PDCD7: variants seen among roughly 807,000 people sequenced by gnomAD.
PDCD7 encodes the protein programmed cell death 7.
PDCD7 carries 40 observed loss-of-function variants against 42.1 expected under a neutral mutation model. The ratio of observed to expected loss-of-function variants is 0.95; its 90% CI spans 0.74 to 1.24. The LOEUF is 1.24. Ranked by LOEUF, PDCD7 falls within the 50% of genes most tolerant of loss-of-function variation. The pLI is 0.00. For synonymous variants in PDCD7, 299 were observed against 303.3 expected, an observed-to-expected ratio of 0.99 and a Z score of 0.15; for missense variants, 644 against 662.8, an observed-to-expected ratio of 0.97 and a Z score of 0.31.
At position 65,117,464 on chromosome 15, in the gene PDCD7, AT is replaced by A. The variant is rs1475265300; in HGVS notation, c.*1252del. The A allele has an allele frequency of 3.3e-5, 5 of 152,324 alleles. No individual in the cohort carries two copies. Among genetic ancestry groups the A allele is most frequent in the Non-Finnish European group, 5.9e-5 (4 of 68,042 alleles). The allele number at this position is 152,324 out of a possible 1,614,324, so 9.4% of individuals were successfully genotyped here. A position where few individuals can be genotyped will look rare whatever the true frequency, so the allele number is the denominator to read the frequency against. ...ACCAAACCAAAACAGAACCAAAAAA[AT>A]GACATGTTATATGAGTGATCATCTC... On this transcript the variant is annotated 3_prime_UTR_variant, in exon 5 of 5. Coordinates refer to ENST00000204549, the MANE Select transcript of PDCD7 (RefSeq NM_005707.2).
chr15:65,122,613 A>G (rs1440172539), intron 2 of PDCD7, among the ~76,000 whole-genome samples: 1 of 152,028 alleles, frequency 6.6e-6, no homozygotes, highest in Non-Finnish European at 1.5e-5. Context: ...CAAGTTCCCT[A>G]CTCCTGGACA....
intron 2 of PDCD7, among the ~76,000 whole-genome samples, chr15:65,125,237 C>T (rs1014405170): frequency 5.9e-5 from 9 of 152,110 alleles, no homozygotes; most frequent in African/African-American, 2.2e-4. Flanking sequence ...ATCATCCTAC[C>T]TTCCATGGGA....
intron 1 of PDCD7, among the ~76,000 whole-genome samples, chr15:65,130,405 G>A (rs1307517044): frequency 2.6e-5 from 4 of 151,922 alleles, no homozygotes; most frequent in African/African-American, 9.7e-5. Flanking sequence ...TGATCCGCCC[G>A]CCTTGGCCTC....
chr15:65,120,512 T>G (rs2087445089), intron 2 of PDCD7, among the ~76,000 whole-genome samples: 1 of 152,074 alleles, frequency 6.6e-6, no homozygotes, highest in Admixed American at 6.6e-5. Context: ...ATTGAGAACA[T>G]CCTGGCTAAC....
At chr15:65,126,932 C>T (rs545625601) in intron 2 of PDCD7, among the ~76,000 whole-genome samples, 1 of 151,980 alleles carries the variant, frequency 6.6e-6, no homozygotes, top group Non-Finnish European at 1.5e-5. Flanking sequence ...TCTCTCAATT[C>T]TTTGACTTGA....
chr15:65,132,805 C>A, intron 1 of PDCD7, 107 bp downstream of exon 1: 2 of 1,491,952 alleles, frequency 1.3e-6, no homozygotes, highest in Non-Finnish European at 1.8e-6. Flanking sequence ...CTTCATTTTG[C>A]GCGTAAAACA....
In PDCD7 at chr15:65,133,055, G is replaced by C. The variant is rs752965901; in HGVS notation, c.727C>G (p.Arg243Gly). Residue 243 changes from arginine (R) to glycine (G), a missense_variant, in exon 1 of 5, where the codon CGG becomes GGG. By Grantham distance (125) the Arg-to-Gly change is moderately radical. Coordinates refer to ENST00000204549, the MANE Select transcript of PDCD7 (RefSeq NM_005707.2). ...GEARRRLERVRRRRLRLRERA... is the reference protein window; with the variant it reads ...GEARRRLERVGRRRLRLRERA... ...TCGCGAAGCCGCAGCCGGCGGCGCC[G>C]GACCCTCTCCAGCCTCCTCCGCGCC... 3 of 1,587,890 alleles carry C rather than the reference G, an allele frequency of 1.9e-6. No homozygotes were observed. In the African/African-American group the frequency reaches 4.0e-5, roughly 21 times the overall value.
chr15:65,121,207 A>G (rs779993456), intron 2 of PDCD7, among the ~76,000 whole-genome samples: 188 of 152,046 alleles, frequency 1.2e-3, no homozygotes, highest in Non-Finnish European at 2.4e-3. Context: ...ACAGGCATGC[A>G]CCAACACACC....
intron 1 of PDCD7, 121 bp from the exon 2 acceptor site, chr15:65,129,291 G>C: frequency 9.1e-7 from 1 of 1,094,472 alleles, no homozygotes; most frequent in Non-Finnish European, 1.3e-6. Flanking sequence ...AGACTCTATT[G>C]AATCTCCATC....
At chr15:65,121,107 G>A (rs111337775) in intron 2 of PDCD7, among the ~76,000 whole-genome samples, 505 of 149,352 alleles carry the variant, frequency 3.4e-3, no homozygotes, top group Non-Finnish European at 5.3e-3. Context: ...CCAGGCTGGA[G>A]GGCAATGGTG....
At position 65,129,915 on chromosome 15, in the gene PDCD7, ATTTTTTTT is replaced by A. The variant is rs746709395; in HGVS notation, c.871-753_871-746del. On this transcript the variant is annotated intron_variant, in intron 1 of 4. Coordinates refer to ENST00000204549, the MANE Select transcript of PDCD7 (RefSeq NM_005707.2). ...CCTGGGCAACAGAGTGAAACTTTGT[ATTTTTTTT>A]TTTTTTTTTTTTTTTTTTGAGACAG... is the stretch of plus-strand genomic sequence containing the variant. 9.4e-5 allele frequency among the ~76,000 whole-genome samples: 8 copies of A among 84,958 alleles called. No individual in the cohort carries two copies. The East Asian group carries it at 1.0e-3, about 11-fold the overall frequency. 55.7% of individuals were successfully genotyped at this position (84,958 alleles called of 152,430 possible).
Position 65,122,228 on chromosome 15 carries a change from C to A in PDCD7, c.1010-2274G>T, listed in dbSNP as rs143143644. On this transcript the variant is annotated intron_variant, in intron 2 of 4. Coordinates refer to ENST00000204549, the MANE Select transcript of PDCD7 (RefSeq NM_005707.2). ...GCGTGCGCCTGTAGTTCCAACTACT[C>A]AGGAGGCTAAGCCAGGAGAATCGCT... is the stretch of plus-strand genomic sequence containing the variant. Among the ~76,000 whole-genome samples the A allele has an allele frequency of 2.0e-3, 302 of 152,104 alleles. 1 individual carries two copies. Among genetic ancestry groups the A allele is most frequent in the African/African-American group, 7.2e-3 (297 of 41,492 alleles).
chr15:65,127,616 GAAGA>G (rs2087507575), intron 2 of PDCD7, among the ~76,000 whole-genome samples: 1 of 152,194 alleles, frequency 6.6e-6, no homozygotes, highest in Non-Finnish European at 1.5e-5. Flanking sequence ...CACACATCTT[GAAGA>G]GAGAAGTTAG....
At chr15:65,121,779 G>T (rs1374838803) in intron 2 of PDCD7, among the ~76,000 whole-genome samples, 1 of 152,178 alleles carries the variant, frequency 6.6e-6, no homozygotes, top group Non-Finnish European at 1.5e-5. Context: ...TTTTTTTGGT[G>T]TGACAATGGT....
intron 1 of PDCD7, among the ~76,000 whole-genome samples, chr15:65,132,122 GTGTA>G (rs1220572221): frequency 4.4e-4 from 23 of 52,572 alleles, no homozygotes; most frequent in Non-Finnish European, 9.3e-4. Flanking sequence ...ATGTATGTAT[GTGTA>G]TATATATATA....
At chr15:65,128,415 A>G (rs574783116) in intron 2 of PDCD7, among the ~76,000 whole-genome samples, 1 of 152,336 alleles carries the variant, frequency 6.6e-6, no homozygotes, top group African/African-American at 2.4e-5. Flanking sequence ...AGACAGGCAA[A>G]TGGAAAGCAC....
At chr15:65,121,322 G>A (rs918867055) in intron 2 of PDCD7, among the ~76,000 whole-genome samples, 2 of 151,982 alleles carry the variant, frequency 1.3e-5, no homozygotes, top group Non-Finnish European at 2.9e-5. Flanking sequence ...CAAAGTGCTG[G>A]GATTACAGGC....
intron 2 of PDCD7, among the ~76,000 whole-genome samples, chr15:65,124,909 T>C (rs950858550): frequency 1.3e-5 from 2 of 152,180 alleles, no homozygotes; most frequent in Non-Finnish European, 2.9e-5. Flanking sequence ...GTGTCATCCA[T>C]TGCCAATATA....
rs1450629912 is a variant in PDCD7 at position 65,133,524 on chromosome 15, C to T, written c.258G>A (p.Pro86=). Residue 86 remains proline, a synonymous_variant, in exon 1 of 5, where the codon CCG becomes CCA. Coordinates refer to ENST00000204549, the MANE Select transcript of PDCD7 (RefSeq NM_005707.2). ...ACTGGGGCGGCGGAGGAGGCAGCGG[C>T]GGTGGTGGCACCGGGTAGAAGGCGC... The part of the protein sequence containing the change: ...GAGAFYPVPP[P]PLPPPPPQCR... The T allele has an allele frequency of 1.6e-6, 2 of 1,227,940 alleles. No homozygotes were observed. The highest frequency in any genetic ancestry group is 2.0e-6 in the Non-Finnish European group (2 of 985,590). The allele number at this position is 1,227,940 out of a possible 1,614,324, so 76.1% of individuals were successfully genotyped here.
Sources: gnomAD v4.1 joint callset for allele counts (sites outside exome capture counted in the v4.1 genomes callset) on GRCh38, gnomAD v4.1.1 for gene constraint, MANE v1.5 for transcripts, NCBI Gene and HGNC (gene_info 2026-07-23, HGNC 2026-07-21) for gene names.